The following CHORDC1 variants were observed in gnomAD, a reference collection of about 807,000 sequenced individuals.
The protein encoded by CHORDC1 is cysteine and histidine rich domain containing 1, also known as cysteine and histidine-rich domain-containing protein 1.
A neutral mutation model predicts 48.3 loss-of-function variants in CHORDC1; 25 were observed. That is an observed-to-expected ratio of 0.52 (90% confidence interval 0.38 to 0.72). CHORDC1 has a LOEUF of 0.72. Among genes scored for constraint, CHORDC1 ranks in the 30% least tolerant of loss-of-function variants. The probability of loss-of-function intolerance (pLI) is 0.00; values close to 1 mark genes in which losing one functional copy is unlikely to be tolerated. For synonymous variants in CHORDC1, 128 were observed against 126.4 expected (o/e 1.01, Z -0.09); for missense variants, 317 against 388.7 (o/e 0.82, Z 1.55).
chr11:90,210,448 A>G (rs1031787144), intron 6 of CHORDC1, 88 bp downstream of exon 6: 1 of 783,258 alleles, frequency 1.3e-6, no homozygotes, highest in Non-Finnish European at 2.2e-6. Context: ...TATGCATGCA[A>G]ATGTTTGTTG....
intron 4 of CHORDC1, 26 bp from the exon 5 acceptor site, chr11:90,211,344 C>A (rs1332980953): frequency 7.2e-7 from 1 of 1,393,872 alleles, no homozygotes; most frequent in African/African-American, 1.4e-5. Flanking sequence ...ACCTTATTAC[C>A]ATTATTAATA....
intron 1 of CHORDC1, among the ~76,000 whole-genome samples, chr11:90,218,463 T>G (rs1858075610): frequency 6.6e-6 from 1 of 152,214 alleles, no homozygotes; most frequent in East Asian, 1.9e-4. Flanking sequence ...GTAGTAAAAT[T>G]TGTTTAGTAC....
intron 8 of CHORDC1, among the ~76,000 whole-genome samples, chr11:90,205,014 T>A (rs1857639181): frequency 6.6e-6 from 1 of 152,042 alleles, no homozygotes; most frequent in South Asian, 2.1e-4. Context: ...GAAACAAGAC[T>A]GCAATCCTCC....
intron 9 of CHORDC1, 89 bp downstream of exon 9, chr11:90,203,219 C>G: frequency 8.1e-7 from 1 of 1,236,170 alleles, no homozygotes. Context: ...CCCAAATCAG[C>G]TGAGATATAA....
intron 9 of CHORDC1, 148 bp from the exon 10 acceptor site, chr11:90,203,023 C>A: frequency 9.1e-7 from 1 of 1,098,448 alleles, no homozygotes; most frequent in Non-Finnish European, 1.3e-6. Context: ...AGAAAAGCCA[C>A]TGACAAAAAA....
intron 7 of CHORDC1, chr11:90,205,946 T>C (rs572090991): frequency 2.0e-6 from 1 of 494,504 alleles, no homozygotes; most frequent in South Asian, 2.4e-5. Context: ...GCATCACTTT[T>C]AAATACAGAA....
chr11:90,221,034 G>A (rs1226510522), intron 1 of CHORDC1, among the ~76,000 whole-genome samples: 2 of 151,168 alleles, frequency 1.3e-5, no homozygotes, highest in African/African-American at 4.9e-5. Flanking sequence ...GTCTCTAGGG[G>A]GAAAAAAAAA....
intron 1 of CHORDC1, among the ~76,000 whole-genome samples, chr11:90,222,134 TTCC>T (rs1858186511): frequency 1.3e-5 from 2 of 152,228 alleles, no homozygotes; most frequent in South Asian, 4.1e-4. Context: ...CACTGATCAT[TTCC>T]CGTCCTTCAC....
At position 90,202,113 on chromosome 11, in the gene CHORDC1, A is replaced by G; in HGVS notation, c.*292T>C. On this transcript the variant is annotated 3_prime_UTR_variant, in exon 11 of 11. Coordinates refer to ENST00000320585, the MANE Select transcript of CHORDC1 (RefSeq NM_012124.3). ...ATTTCTTTGCTTAACAGAGAAATACAAAGAAATACTGCAATTATGGTTATG... is the reference window on the plus strand; with the variant it reads ...ATTTCTTTGCTTAACAGAGAAATACGAAGAAATACTGCAATTATGGTTATG... The G allele has an allele frequency of 3.8e-6, 1 of 261,920 alleles. No homozygotes were observed. Among genetic ancestry groups the G allele is most frequent in the Non-Finnish European group, 7.1e-6 (1 of 140,234 alleles). The allele number at this position is 261,920 out of a possible 1,614,324, so 16.2% of individuals were successfully genotyped here. A position where few individuals can be genotyped will look rare whatever the true frequency, so the allele number is the denominator to read the frequency against.
chr11:90,218,079 A>G lies in CHORDC1; in HGVS notation c.114+56T>C, dbSNP rs1371033774. The G allele has an allele frequency of 3.2e-6, 4 of 1,237,734 alleles. No homozygotes were observed. The Admixed American group carries it at 1.0e-4, about 32-fold the overall frequency. The allele number at this position is 1,237,734 out of a possible 1,614,324, so 76.7% of individuals were successfully genotyped here. A position where few individuals can be genotyped will look rare whatever the true frequency, so the allele number is the denominator to read the frequency against. The stretch of plus-strand genomic sequence containing the variant: ...AAAGATGAGAAAATAAAGATTTAGT[A>G]TTACATCTCTCAATTTACTACACAG... On this transcript the variant is annotated intron_variant, in intron 2 of 10. Coordinates refer to ENST00000320585, the MANE Select transcript of CHORDC1 (RefSeq NM_012124.3).
chr11:90,209,833 T>C (rs980534024), intron 6 of CHORDC1, among the ~76,000 whole-genome samples: 13 of 152,174 alleles, frequency 8.5e-5, no homozygotes, highest in Non-Finnish European at 1.8e-4. Flanking sequence ...ACCATGTATT[T>C]ACCATTCACC....
At chr11:90,207,780 A>AAC (rs1857741846) in intron 6 of CHORDC1, 1 of 143,358 alleles carries the variant, frequency 7.0e-6, no homozygotes, top group African/African-American at 2.5e-5. Flanking sequence ...AAAAAAAAAC[A>AAC]AAAAAAACTC....
intron 1 of CHORDC1, 37 bp downstream of exon 1, chr11:90,222,854 T>G: frequency 1.9e-6 from 3 of 1,572,090 alleles, no homozygotes; most frequent in Non-Finnish European, 2.6e-6. Context: ...GCTGATGAGG[T>G]GGAGGGGAGG....
chr11:90,203,853 CTTAT>C, intron 8 of CHORDC1, among the ~76,000 whole-genome samples: 1 of 152,170 alleles, frequency 6.6e-6, no homozygotes, highest in Non-Finnish European at 1.5e-5. Flanking sequence ...CACTAGAAAC[CTTAT>C]TTATTTTCTA....
rs376440543 is a variant in CHORDC1 at position 90,211,369 on chromosome 11, T to C, written c.330-51A>G. Reference sequence around the variant, plus strand: ...CATTATTAATATACCAAAATATTTCTTTGTACTCCAAATTAATAACCTTAA... The same window carrying C: ...CATTATTAATATACCAAAATATTTCCTTGTACTCCAAATTAATAACCTTAA... On this transcript the variant is annotated intron_variant, in intron 4 of 10. Transcript: ENST00000320585. The C allele has an allele frequency of 3.0e-4, 344 of 1,146,350 alleles. 2 individuals are homozygous for C. In the African/African-American group the frequency reaches 4.7e-3, roughly 16 times the overall value. The allele number at this position is 1,146,350 out of a possible 1,614,324, so 71.0% of individuals were successfully genotyped here.
Position 90,206,261 on chromosome 11 carries a change from A to G in CHORDC1, c.504T>C (p.Gly168=). 6.4e-7 allele frequency: 1 copy of G among 1,559,832 alleles called. No homozygotes were observed. Among genetic ancestry groups the G allele is most frequent in the Middle Eastern group, 1.7e-4 (1 of 5,940 alleles). ...KNGGCSKTYQ[G]LESLEEVCVY... is the part of the protein sequence containing the mutation. The stretch of plus-strand genomic sequence containing the variant: ...CACAGACTTCTTCTAGACTCTCTAG[A>G]CCCTGGTATGTCTAAAAAGGAAACA... The change falls in exon 7 of 11, where the codon GGT becomes GGC. Residue 168 remains glycine, a synonymous_variant. Transcript: ENST00000320585.
chr11:90,207,617 CAT>C (rs1350193655), intron 6 of CHORDC1: 1 of 151,806 alleles, frequency 6.6e-6, no homozygotes, highest in Non-Finnish European at 1.5e-5. Flanking sequence ...AAGCAAGAGA[CAT>C]TAGAGATAGG....
intron 8 of CHORDC1, among the ~76,000 whole-genome samples, 171 bp downstream of exon 8, chr11:90,205,289 G>T (rs1351432069): frequency 2.0e-5 from 3 of 152,120 alleles, no homozygotes; most frequent in Admixed American, 6.5e-5. Context: ...TCAAAAGGCA[G>T]TACACTGGCA....
At chr11:90,209,437 C>T (rs1857797832) in intron 6 of CHORDC1, 1 of 152,250 alleles carries the variant, frequency 6.6e-6, no homozygotes, top group East Asian at 1.9e-4. Context: ...ACCATCTGTA[C>T]TTTCTGTACT....
Sources: allele counts gnomAD v4.1 joint callset (sites outside exome capture counted in the v4.1 genomes callset), GRCh38; gene constraint gnomAD v4.1.1; transcripts MANE v1.5; gene names NCBI Gene and HGNC (gene_info 2026-07-23, HGNC 2026-07-21).